Variants in MAST4 observed in about 807,000 individuals in gnomAD.
MAST4 encodes microtubule associated serine/threonine kinase family member 4, also known as microtubule-associated serine/threonine-protein kinase 4.
Under a neutral mutation model 162.7 loss-of-function variants are expected in MAST4, and 89 were observed. The observed-to-expected ratio is 0.55, with a 90% confidence interval of 0.46 to 0.65. MAST4 has a LOEUF of 0.65. MAST4 is among the 30% of genes least tolerant of loss of function. MAST4 has a pLI of 0.00. For missense variants in MAST4, 3,153 were observed against 3,374.0 expected (o/e 0.93, Z 1.62); for synonymous variants, 1,479 against 1,361.1 (o/e 1.09, Z -1.91).
chr5:67,091,046 CT>C (rs1763814182), intron 6 of MAST4, among the ~76,000 whole-genome samples: 3 of 151,588 alleles, frequency 2.0e-5, no homozygotes, highest in Non-Finnish European at 2.9e-5. Flanking sequence ...TCTGAATGTC[CT>C]AGATATTTGT....
intron 3 of MAST4, among the ~76,000 whole-genome samples, chr5:66,812,436 G>A (rs927525745): frequency 6.6e-6 from 1 of 152,162 alleles, no homozygotes; most frequent in Admixed American, 6.5e-5. Flanking sequence ...CTGTCCTCAG[G>A]AGAGCCCCTG....
Position 67,100,586 on chromosome 5 carries a change from G to A in MAST4, c.1064G>A (p.Ser355Asn). The stretch of plus-strand genomic sequence containing the variant: ...ACGCCGATGCGCCCCCGTTCCCGAA[G>A]TCTGAGGTGTGTGGGCCTGGCTGAA... Reference protein sequence around the residue: ...RNTPMRPRSRSLSPGRSPACC... With the variant: ...RNTPMRPRSRNLSPGRSPACC... The change falls in exon 8 of 29, where the codon AGT becomes AAT. Residue 355 changes from serine (S) to asparagine (N), a missense_variant. Ser to Asn is a conservative substitution (Grantham distance 46, BLOSUM62 1). This residue lies in a region of MAST4 where 360 missense variants were observed against 450.0 expected (regional missense o/e 0.80). Coordinates refer to ENST00000403625, the MANE Select transcript of MAST4 (RefSeq NM_001164664.2). 6.2e-7 allele frequency: 1 copy of A among 1,613,854 alleles called. No individual in the cohort carries two copies. Among genetic ancestry groups the A allele is most frequent in the Non-Finnish European group, 8.5e-7 (1 of 1,179,828 alleles).
chr5:67,054,885 A>G (rs1366547201), intron 5 of MAST4, among the ~76,000 whole-genome samples: 4 of 152,226 alleles, frequency 2.6e-5, no homozygotes, highest in Non-Finnish European at 4.4e-5. Context: ...ATACATTGTG[A>G]TGGTCATTTT....
At chr5:66,894,490 G>A (rs1762556338) in intron 3 of MAST4, among the ~76,000 whole-genome samples, 1 of 152,182 alleles carries the variant, frequency 6.6e-6, no homozygotes, top group African/African-American at 2.4e-5. Flanking sequence ...GCTTTTAAAT[G>A]TGTTTTGTTT....
intron 1 of MAST4, among the ~76,000 whole-genome samples, chr5:66,611,616 A>G (rs982811932): frequency 2.0e-4 from 30 of 152,348 alleles, no homozygotes; most frequent in African/African-American, 7.2e-4. Flanking sequence ...TTTAAAAGGA[A>G]GGTGAAATAT....
intron 1 of MAST4, among the ~76,000 whole-genome samples, chr5:66,719,806 CT>C (rs1013954063): frequency 9.2e-5 from 14 of 151,934 alleles, no homozygotes; most frequent in East Asian, 3.9e-4. Context: ...TAAACCAGAC[CT>C]TTTTTTTCCT....
chr5:66,765,575 G>A (rs909628059), intron 2 of MAST4, among the ~76,000 whole-genome samples: 9 of 152,102 alleles, frequency 5.9e-5, no homozygotes, highest in Non-Finnish European at 1.3e-4. Context: ...TACTTCAGGG[G>A]AGTAAAGAAT....
intron 4 of MAST4, among the ~76,000 whole-genome samples, chr5:67,035,481 T>G (rs1180919878): frequency 6.6e-6 from 1 of 152,176 alleles, no homozygotes; most frequent in East Asian, 1.9e-4. Context: ...GGATCTACTA[T>G]GTCAAGTTTT....
chr5:66,726,079 A>G (rs369821263), intron 1 of MAST4, among the ~76,000 whole-genome samples: 194 of 152,098 alleles, frequency 1.3e-3, no homozygotes, highest in African/African-American at 4.5e-3. Context: ...GATTATAGTA[A>G]TAAGGGGAAA....
intron 1 of MAST4, chr5:66,738,127 A>G (rs1328499519): frequency 6.6e-6 from 1 of 152,142 alleles, no homozygotes; most frequent in Non-Finnish European, 1.5e-5. Flanking sequence ...TAAAGCACAA[A>G]AGTGTATTTC....
intron 4 of MAST4, chr5:67,001,392 C>T (rs1215910807): frequency 6.6e-6 from 1 of 152,048 alleles, no homozygotes; most frequent in Non-Finnish European, 1.5e-5. Context: ...ATGTACTTAA[C>T]CTATTTTTAT....
intron 3 of MAST4, among the ~76,000 whole-genome samples, chr5:66,885,000 G>C (rs958073488): frequency 1.3e-5 from 2 of 152,156 alleles, no homozygotes; most frequent in African/African-American, 4.8e-5. Context: ...GCACAGTCCT[G>C]CTTCGACGGA....
chr5:66,601,032 G>T (rs186138242), intron 1 of MAST4, among the ~76,000 whole-genome samples: 1 of 152,290 alleles, frequency 6.6e-6, no homozygotes, highest in African/African-American at 2.4e-5. Flanking sequence ...TCTATTAAGT[G>T]GTATATGAGC....
At chr5:66,730,710 G>C (rs1232463377) in intron 1 of MAST4, among the ~76,000 whole-genome samples, 1 of 151,810 alleles carries the variant, frequency 6.6e-6, no homozygotes, top group East Asian at 1.9e-4. Flanking sequence ...TTTTGAAGCG[G>C]ATCATCCTGT....
chr5:66,897,425 G>T (rs1051276524), intron 3 of MAST4, among the ~76,000 whole-genome samples: 5 of 152,250 alleles, frequency 3.3e-5, no homozygotes, highest in Non-Finnish European at 4.4e-5. Context: ...AGATTTATCA[G>T]CATGTGGCCC....
chr5:67,053,037 C>T (rs987005193), intron 4 of MAST4, among the ~76,000 whole-genome samples: 3 of 152,114 alleles, frequency 2.0e-5, no homozygotes, highest in Non-Finnish European at 4.4e-5. Context: ...TCCAACCCAC[C>T]TTCATAATTA....
rs547233476 is a variant in MAST4 at position 66,984,078 on chromosome 5, T to C, written c.675-70326T>C. ...GACAGGATAGAGAAAGTCTCTGCTC[T>C]CATGGAGCTTATATCCCAGTGGGGT... On this transcript the variant is annotated intron_variant, in intron 4 of 28. Coordinates refer to ENST00000403625, the MANE Select transcript of MAST4 (RefSeq NM_001164664.2). 5.3e-4 allele frequency among the ~76,000 whole-genome samples: 81 copies of C among 152,344 alleles called. 2 individuals are homozygous for C. The South Asian group carries it at 0.017, about 32-fold the overall frequency.
intron 4 of MAST4, among the ~76,000 whole-genome samples, chr5:67,028,096 G>A (rs905395088): frequency 4.6e-5 from 7 of 152,022 alleles, no homozygotes; most frequent in Admixed American, 3.9e-4. Context: ...TCATGTGTGA[G>A]TATATGTCTG....
chr5:67,036,684 T>C (rs1330406022), intron 4 of MAST4, among the ~76,000 whole-genome samples: 2 of 152,174 alleles, frequency 1.3e-5, no homozygotes. Flanking sequence ...CCGTATTGTA[T>C]AGGGAATAAT....
Sources: gnomAD v4.1 joint callset for allele counts (sites outside exome capture counted in the v4.1 genomes callset) on GRCh38, gnomAD v4.1.1 for gene constraint, gnomAD v4.1.1 regional missense constraint, MANE v1.5 for transcripts, NCBI Gene and HGNC (gene_info 2026-07-23, HGNC 2026-07-21) for gene names.